Variants in LRRC71 observed in about 807,000 individuals in gnomAD.
The protein encoded by LRRC71 is leucine rich repeat containing 71, also known as leucine-rich repeat-containing protein 71.
In LRRC71, 54 loss-of-function variants were observed where a neutral mutation model predicts 66.6. That is an observed-to-expected ratio of 0.81 (90% CI 0.65 to 1.02). The LOEUF (loss-of-function observed/expected upper bound fraction) is 1.02. Ranked by LOEUF, LRRC71 falls within the 50% of genes least tolerant of loss-of-function variation. The pLI, the probability that LRRC71 is intolerant of heterozygous loss-of-function variation, is 0.00. For missense variants in LRRC71, 724 were observed against 718.0 expected (o/e 1.01, Z -0.10); for synonymous variants, 323 against 303.9 (o/e 1.06, Z -0.65).
chr1:156,938,106 A>C, the LRRC71 span, among the ~76,000 whole-genome samples: 1 of 152,076 alleles, frequency 6.6e-6, no homozygotes, highest in Non-Finnish European at 1.5e-5. Context: ...GGCTGCTTGC[A>C]TATCAGGTGA....
At chr1:156,940,585 A>G in the LRRC71 span, among the ~76,000 whole-genome samples, 2 of 152,244 alleles carry the variant, frequency 1.3e-5, no homozygotes, top group African/African-American at 2.4e-5. Flanking sequence ...GGCTCTTGGC[A>G]TACAACAGTA....
chr1:156,926,409 G>T (rs1653197786), intron 5 of LRRC71, among the ~76,000 whole-genome samples: 1 of 152,180 alleles, frequency 6.6e-6, no homozygotes, highest in African/African-American at 2.4e-5. Flanking sequence ...CAGGCTGCCT[G>T]AGTGTCCTTA....
chr1:156,930,099 C>CTCT lies in LRRC71; in HGVS notation c.1240+371_1240+372insCTT, dbSNP rs1553189756. ...TTCTTTTCTTTCTTTCTTTCTCTCT[C>CTCT]TTTTTTTTTTTTTGATGGATTCTCA... On this transcript the variant is annotated intron_variant, in intron 11 of 14. Transcript: ENST00000337428. Among the ~76,000 whole-genome samples the CTCT allele has an allele frequency of 6.8e-4, 77 of 113,146 alleles. 1 individual carries two copies. The highest frequency in any genetic ancestry group is 4.2e-3 in the Middle Eastern group (1 of 236). 74.2% of individuals were successfully genotyped at this position (113,146 alleles called of 152,430 possible). A position where few individuals can be genotyped will look rare whatever the true frequency, so the allele number is the denominator to read the frequency against.
downstream of LRRC71, chr1:156,937,612 G>T: frequency 8.8e-7 from 1 of 1,137,004 alleles, no homozygotes; most frequent in Non-Finnish European, 1.2e-6. Context: ...GTCCTCTCCA[G>T]ACAAACTCAG....
rs908143583 is a variant in LRRC71 at position 156,924,440 on chromosome 1, G to C, written c.327G>C (p.Ser109=). ...EKATLDDPRL[S]GSCSLNSLES... Reference sequence around the variant, plus strand: ...GCCTTCCAGACGATCCGCGGCTGTCGGGGTCCTGCAGCCTCAATAGCCTGG... The same window carrying C: ...GCCTTCCAGACGATCCGCGGCTGTCCGGGTCCTGCAGCCTCAATAGCCTGG... Residue 109 remains serine (S), a synonymous_variant, in exon 3 of 15, where the codon TCG becomes TCC. Transcript: ENST00000337428. The C allele has an allele frequency of 6.4e-7, 1 of 1,550,798 alleles. No individual in the cohort carries two copies. Among genetic ancestry groups the C allele is most frequent in the Non-Finnish European group, 8.7e-7 (1 of 1,146,972 alleles).
intron 1 of LRRC71, chr1:156,921,647 A>G: frequency 1.0e-6 from 1 of 985,292 alleles, no homozygotes; most frequent in Non-Finnish European, 1.2e-6. Context: ...GAGAAACAAC[A>G]TCTTCTGGAA....
chr1:156,920,701 C>A lies in LRRC71; in HGVS notation c.-103C>A. ...TCGGATCCGGTCCCTGGACGCGGAA[C>A]AGAGATCCCCTGATTCAGCCACCCC... On this transcript the variant is annotated 5_prime_UTR_variant, in exon 1 of 15. Coordinates refer to ENST00000337428, the MANE Select transcript of LRRC71 (RefSeq NM_144702.3). This position sits in a 1 kb window ranked among gnomAD's most constrained non-coding sequence, Gnocchi z 4.9. 1.5e-6 allele frequency: 2 copies of A among 1,300,212 alleles called. No homozygotes were observed. Among genetic ancestry groups the A allele is most frequent in the Non-Finnish European group, 2.0e-6 (2 of 1,008,738 alleles). The allele number at this position is 1,300,212 out of a possible 1,614,324, so 80.5% of individuals were successfully genotyped here.
Position 156,924,790 on chromosome 1 carries a change from A to G in LRRC71, c.515+72A>G, listed in dbSNP as rs1571034998. The G allele has an allele frequency of 2.6e-6, 4 of 1,512,934 alleles. No homozygotes were observed. The East Asian group carries it at 9.9e-5, about 37-fold the overall frequency. The allele number at this position is 1,512,934 out of a possible 1,614,324, so 93.7% of individuals were successfully genotyped here. ...GGCTCCTGGTGGCTTGGGAGAGAGA[A>G]CCAAGGGGCATGGGAGACCCTGGCG... On this transcript the variant is annotated intron_variant, in intron 4 of 14. Transcript: ENST00000337428.
intron 9 of LRRC71, 29 bp from the exon 10 acceptor site, chr1:156,929,251 C>T (rs774462561): frequency 5.7e-6 from 9 of 1,578,588 alleles, no homozygotes; most frequent in Admixed American, 3.7e-5. Context: ...CTGGCTTCTT[C>T]CCCCCTTCCC....
Position 156,933,038 on chromosome 1 carries a change from C to A in LRRC71, c.*69C>A. The A allele has an allele frequency of 8.5e-7, 1 of 1,170,122 alleles. No individual in the cohort carries two copies. The highest frequency in any genetic ancestry group is 1.4e-5 in the South Asian group (1 of 73,296). The allele number at this position is 1,170,122 out of a possible 1,614,324, so 72.5% of individuals were successfully genotyped here. The stretch of plus-strand genomic sequence containing the variant: ...CACCTCCTGTCCCTGTGTGGGGTGA[C>A]CTCCCTGGGGGAGATCTCAGACCAA... On this transcript the variant is annotated 3_prime_UTR_variant, in exon 15 of 15. Transcript: ENST00000337428.
chr1:156,937,094 G>A, downstream of LRRC71: 1 of 1,567,876 alleles, frequency 6.4e-7, no homozygotes, highest in Admixed American at 1.8e-5. Flanking sequence ...TTGGGGAGGA[G>A]GGTGTGATTT....
rs768332184 is a variant in LRRC71 at position 156,929,250 on chromosome 1, TC to T, written c.997-24del. On this transcript the variant is annotated intron_variant, in intron 9 of 14. Coordinates refer to ENST00000337428, the MANE Select transcript of LRRC71 (RefSeq NM_144702.3). Reference sequence around the variant, plus strand: ...CATTGAGGAAGGGGCTCTGGCTTCTTCCCCCCTTCCCTCCCATTTGTGAGCA... The same window carrying T: ...CATTGAGGAAGGGGCTCTGGCTTCTTCCCCCTTCCCTCCCATTTGTGAGCA... 17 of 1,578,038 alleles carry T rather than the reference TC, an allele frequency of 1.1e-5. No homozygotes were observed. The Admixed American group carries it at 2.4e-4, about 22-fold the overall frequency.
Position 156,923,947 on chromosome 1 carries a change from A to T in LRRC71, c.161-2A>T. 6.7e-7 allele frequency: 1 copy of T among 1,485,510 alleles called. No individual in the cohort carries two copies. The highest frequency in any genetic ancestry group is 9.0e-7 in the Non-Finnish European group (1 of 1,112,710). The allele number at this position is 1,485,510 out of a possible 1,614,324, so 92.0% of individuals were successfully genotyped here. On this transcript the variant is annotated splice_acceptor_variant, in intron 1 of 14. Coordinates refer to ENST00000337428, the MANE Select transcript of LRRC71 (RefSeq NM_144702.3). LOFTEE classifies it high-confidence loss of function. ...CTCTCACGCCCCTGCCTGCCCCCGC[A>T]GAGGAGTACCAGTGCTCCGGGGTCC... is the stretch of plus-strand genomic sequence containing the variant.
chr1:156,938,534 C>A, the LRRC71 span: 1 of 1,607,686 alleles, frequency 6.2e-7, no homozygotes, highest in Non-Finnish European at 8.5e-7. Context: ...ACCACCACCA[C>A]CAGGAAGAGG....
At chr1:156,923,847 A>C in intron 1 of LRRC71, 102 bp from the exon 2 acceptor site, 1 of 1,251,460 alleles carries the variant, frequency 8.0e-7, no homozygotes, top group East Asian at 2.9e-5. Flanking sequence ...GAATGGCTGC[A>C]AAAATATCCG....
chr1:156,928,491 C>CTCT (rs58242836), intron 9 of LRRC71, among the ~76,000 whole-genome samples: 29,996 of 137,510 alleles, frequency 0.22, 3,979 homozygotes, highest in African/African-American at 0.36. Flanking sequence ...CCTCCTCCTC[C>CTCT]TCTTCTTCCT....
At chr1:156,936,496 A>AT (rs58100717), downstream of LRRC71, among the ~76,000 whole-genome samples, 3,634 of 76,406 alleles carry the variant, frequency 0.048, 44 homozygotes, top group East Asian at 0.067. Context: ...AAAAAAAAAA[A>AT]AATATATATA....
chr1:156,940,103 C>A, the LRRC71 span: 3 of 1,427,934 alleles, frequency 2.1e-6, no homozygotes, highest in South Asian at 4.2e-5. Context: ...CTCAAGCACA[C>A]CAGGAAGAGC....
chr1:156,937,418 G>T (rs1425327103), downstream of LRRC71: 1 of 1,586,820 alleles, frequency 6.3e-7, no homozygotes, highest in Non-Finnish European at 8.6e-7. Context: ...GTCAGGCTGA[G>T]GGGGGCTCAT....
Sources: gnomAD v4.1 joint callset for allele counts (sites outside exome capture counted in the v4.1 genomes callset) on GRCh38, gnomAD v4.1.1 for gene constraint, Gnocchi (gnomAD v3.1) non-coding constraint, MANE v1.5 for transcripts, NCBI Gene and HGNC (gene_info 2026-07-23, HGNC 2026-07-21) for gene names.